The following CNBD1 variants were observed in gnomAD, a reference collection of about 807,000 sequenced individuals.
CNBD1 encodes the protein cyclic nucleotide binding domain containing 1.
CNBD1 carries 71 observed loss-of-function variants against 54.4 expected under a neutral mutation model. That is an observed-to-expected ratio of 1.30 (90% CI 1.08 to 1.59). The LOEUF (loss-of-function observed/expected upper bound fraction) is 1.59, where lower values mean the gene tolerates loss of function less well. CNBD1 is among the 40% of genes most tolerant of loss of function. The pLI is 0.00. For missense variants in CNBD1, 659 were observed against 518.0 expected (o/e 1.27, Z -2.64); for synonymous variants, 182 against 170.7 (o/e 1.07, Z -0.51).
chr8:87,297,007 C>T (rs2130878780), intron 8 of CNBD1, among the ~76,000 whole-genome samples: 1 of 151,760 alleles, frequency 6.6e-6, no homozygotes, highest in East Asian at 1.9e-4. Context: ...AACCCCTTCT[C>T]TACTAAAAAT....
chr8:86,973,629 T>A (rs1364873501), intron 4 of CNBD1, among the ~76,000 whole-genome samples: 3 of 152,204 alleles, frequency 2.0e-5, no homozygotes, highest in Non-Finnish European at 4.4e-5. Context: ...GCAGAAGTTG[T>A]GTTTAGTGTG....
rs539365750 is a variant in CNBD1, at chr8:87,425,540, C to G, written c.214-3006C>G. Among the ~76,000 whole-genome samples the G allele has an allele frequency of 9.6e-3, 1,462 of 152,080 alleles. 15 individuals carry two copies. The highest frequency in any genetic ancestry group is 0.031 in the African/African-American group (1,294 of 41,392). ...GTTTGTTAGTTTTCCTTCTAACACA[C>G]AGGACCCTCAGCTGCAGGTCTGTTG... is the stretch of plus-strand genomic sequence containing the variant. On this transcript the variant is annotated intron_variant, in intron 2 of 7. Coordinates refer to the CNBD1 transcript ENST00000521593.
intron 4 of CNBD1, among the ~76,000 whole-genome samples, chr8:87,074,688 G>T (rs1230437582): frequency 6.6e-6 from 1 of 152,052 alleles, no homozygotes; most frequent in Non-Finnish European, 1.5e-5. Context: ...GGGCTCTTTT[G>T]GCTGTGTACC....
rs538165953 is a variant in CNBD1, at chr8:87,168,186, C to T, written c.432-37807C>T. On this transcript the variant is annotated intron_variant, in intron 4 of 10. Transcript: ENST00000518476. ...AGTTTGCCTTCTGGATCCACACTGG[C>T]ATTGCTATGGATCCACATGGCACTG... is the stretch of plus-strand genomic sequence containing the variant. Among the ~76,000 whole-genome samples, 10 of 152,104 alleles carry T rather than the reference C, an allele frequency of 6.6e-5. No individual in the cohort carries two copies. The South Asian group carries it at 2.1e-3, about 32-fold the overall frequency.
intron 4 of CNBD1, among the ~76,000 whole-genome samples, chr8:87,063,721 A>C (rs946508573): frequency 6.6e-6 from 1 of 152,042 alleles, no homozygotes; most frequent in Non-Finnish European, 1.5e-5. Context: ...TATTTTCAGT[A>C]TTGAGTCTTC....
At position 87,286,525 on chromosome 8, in the gene CNBD1, A is replaced by G; in HGVS notation, c.910-14A>G. 7.4e-7 allele frequency: 1 copy of G among 1,351,378 alleles called. No homozygotes were observed. The highest frequency in any genetic ancestry group is 1.0e-6 in the Non-Finnish European group (1 of 974,362). The allele number at this position is 1,351,378 out of a possible 1,614,324, so 83.7% of individuals were successfully genotyped here. The stretch of plus-strand genomic sequence containing the variant: ...GCCTGTTATTAAAAATTTGATAATG[A>G]CATTCTGTTTTAGGAAAAAATAAAA... On this transcript the variant is annotated splice_polypyrimidine_tract_variant and intron_variant, in intron 7 of 10. Transcript: ENST00000518476.
chr8:86,939,965 G>T, intron 4 of CNBD1: 1 of 357,794 alleles, frequency 2.8e-6, no homozygotes, highest in African/African-American at 2.1e-5. Flanking sequence ...CGGATATAAT[G>T]CTAAACTTGT....
intron 10 of CNBD1, among the ~76,000 whole-genome samples, chr8:87,382,414 A>C (rs138303620): frequency 0.019 from 2,870 of 152,110 alleles, 92 homozygotes; most frequent in African/African-American, 0.062. Context: ...TCCTTGTGGA[A>C]AAATGATCAC....
rs191222868 is a variant in CNBD1, at chr8:87,157,833, A to G, written c.432-48160A>G. On this transcript the variant is annotated intron_variant, in intron 4 of 10. Coordinates refer to ENST00000518476, the MANE Select transcript of CNBD1 (RefSeq NM_173538.3). ...GTCTATTTAATTTCTGAAATGCAAA[A>G]GAATGTTTGGCATGGATAAATAGCT... 6.1e-3 allele frequency among the ~76,000 whole-genome samples: 933 copies of G among 152,304 alleles called. 7 individuals are homozygous for G. Among genetic ancestry groups the G allele is most frequent in the South Asian group, 0.017 (83 of 4,832 alleles).
At chr8:87,219,098 CTG>C (rs1814271795) in intron 5 of CNBD1, among the ~76,000 whole-genome samples, 1 of 151,984 alleles carries the variant, frequency 6.6e-6, no homozygotes, top group African/African-American at 2.4e-5. Flanking sequence ...AAATAACAAT[CTG>C]TATATATTTT....
chr8:87,216,056 C>T (rs1814205351), intron 5 of CNBD1, among the ~76,000 whole-genome samples: 1 of 152,156 alleles, frequency 6.6e-6, no homozygotes, highest in Non-Finnish European at 1.5e-5. Flanking sequence ...GCATTATGTA[C>T]TTCATTGTAC....
intron 8 of CNBD1, among the ~76,000 whole-genome samples, chr8:87,288,526 A>G (rs1414823071): frequency 6.6e-6 from 1 of 152,094 alleles, no homozygotes; most frequent in East Asian, 1.9e-4. Context: ...GAGAATGATT[A>G]TGTGTTTTAA....
chr8:86,926,463 G>T (rs550930987), intron 3 of CNBD1, among the ~76,000 whole-genome samples: 84 of 152,240 alleles, frequency 5.5e-4, no homozygotes, highest in African/African-American at 1.6e-3. Context: ...TTGACAAGGA[G>T]GTTAAAAATA....
At chr8:86,922,918 A>C (rs938918837) in intron 3 of CNBD1, among the ~76,000 whole-genome samples, 3 of 152,170 alleles carry the variant, frequency 2.0e-5, no homozygotes, top group African/African-American at 7.2e-5. Context: ...AAAGGTATGC[A>C]CTAAGTAAGG....
chr8:87,393,941 G>A (rs750436343), intron 2 of CNBD1, among the ~76,000 whole-genome samples: 1 of 151,796 alleles, frequency 6.6e-6, no homozygotes, highest in Non-Finnish European at 1.5e-5. Context: ...CTATCCAAAG[G>A]CCAGTATCCC....
chr8:87,328,318 T>G (rs2130907407), intron 8 of CNBD1, among the ~76,000 whole-genome samples: 1 of 152,166 alleles, frequency 6.6e-6, no homozygotes, highest in South Asian at 2.1e-4. Context: ...TTTTATTATG[T>G]TTAGTCTTTT....
chr8:87,416,963 G>T (rs557292003), intron 2 of CNBD1, among the ~76,000 whole-genome samples: 1 of 151,870 alleles, frequency 6.6e-6, no homozygotes, highest in Non-Finnish European at 1.5e-5. Context: ...TGTATCTGAG[G>T]TTCAATATAA....
chr8:86,937,190 G>A (rs984170010), intron 3 of CNBD1, among the ~76,000 whole-genome samples: 2 of 152,170 alleles, frequency 1.3e-5, no homozygotes, highest in Non-Finnish European at 2.9e-5. Flanking sequence ...CAGAACTTGT[G>A]TAGGAGAACT....
At chr8:87,230,386 A>G (rs1050301255) in intron 5 of CNBD1, among the ~76,000 whole-genome samples, 1 of 152,190 alleles carries the variant, frequency 6.6e-6, no homozygotes, top group South Asian at 2.1e-4. Context: ...TAAAACTAAC[A>G]TACATTTGTA....
Sources: allele counts gnomAD v4.1 joint callset (sites outside exome capture counted in the v4.1 genomes callset), GRCh38; gene constraint gnomAD v4.1.1; transcripts MANE v1.5; gene names NCBI Gene and HGNC (gene_info 2026-07-23, HGNC 2026-07-21).